Variants in CTTNBP2 observed in about 807,000 individuals in gnomAD.
CTTNBP2 encodes cortactin binding protein 2.
CTTNBP2 carries 108 observed loss-of-function variants against 156.9 expected under a neutral mutation model. The observed-to-expected ratio is 0.69, with a 90% CI of 0.59 to 0.81. CTTNBP2 has a LOEUF of 0.81. Ranked by LOEUF, CTTNBP2 falls within the 30% of genes least tolerant of loss-of-function variation. CTTNBP2 has a pLI of 0.00. For missense variants in CTTNBP2, 1,924 were observed against 2,035.4 expected (o/e 0.95, Z 1.05); for synonymous variants, 767 against 751.8 (o/e 1.02, Z -0.33).
chr7:117,718,646 C>CT (rs1794603603), intron 21 of CTTNBP2, among the ~76,000 whole-genome samples: 1 of 152,198 alleles, frequency 6.6e-6, no homozygotes, highest in Non-Finnish European at 1.5e-5. Flanking sequence ...GAACTTGATG[C>CT]TGTCCATGTT....
chr7:117,852,797 A>G (rs534154233), intron 2 of CTTNBP2, among the ~76,000 whole-genome samples: 13 of 152,194 alleles, frequency 8.5e-5, no homozygotes, highest in Admixed American at 2.0e-4. Flanking sequence ...ACAGGTGTGT[A>G]GAAATGGTCT....
rs1308101221 is a variant in CTTNBP2 at position 117,819,365 on chromosome 7, T to TCACA, written c.190-8377_190-8376insTGTG. 6.9e-3 allele frequency among the ~76,000 whole-genome samples: 939 copies of TCACA among 136,822 alleles called. 5 individuals carry two copies. The highest frequency in any genetic ancestry group is 0.014 in the Middle Eastern group (4 of 288). The allele number at this position is 136,822 out of a possible 152,430, so 89.8% of individuals were successfully genotyped here. On this transcript the variant is annotated intron_variant, in intron 2 of 22. Transcript: ENST00000160373. ...TCTTTCTCTTTTCTCCTTCTCTCTC[T>TCACA]CTCACACACACACACACACACACAC...
chr7:117,714,966 C>G (rs1431316446), intron 22 of CTTNBP2, among the ~76,000 whole-genome samples: 4 of 152,170 alleles, frequency 2.6e-5, no homozygotes, highest in Non-Finnish European at 5.9e-5. Flanking sequence ...GTTTACTATC[C>G]ATATTGCTGT....
At chr7:117,737,206 G>T (rs1338617971) in intron 14 of CTTNBP2, among the ~76,000 whole-genome samples, 4 of 152,054 alleles carry the variant, frequency 2.6e-5, no homozygotes, top group African/African-American at 9.7e-5. Flanking sequence ...GTTTCTTTGG[G>T]TTCAAATGTT....
rs576462484 is a variant in CTTNBP2 at position 117,717,672 on chromosome 7, A to ACTAT, written c.4746+342_4746+345dup. ...GAATATAGTGTATATAAACTTTGGT[A>ACTAT]CTATCTTAGATTTCAGGCATCACCT... On this transcript the variant is annotated intron_variant, in intron 22 of 22. Coordinates refer to ENST00000160373, the MANE Select transcript of CTTNBP2 (RefSeq NM_033427.3). Among the ~76,000 whole-genome samples the ACTAT allele has an allele frequency of 1.7e-3, 263 of 152,084 alleles. 1 individual carries two copies. In the Middle Eastern group the frequency reaches 0.027, roughly 16 times the overall value.
intron 8 of CTTNBP2, among the ~76,000 whole-genome samples, chr7:117,773,326 T>C (rs1004948502): frequency 6.6e-6 from 1 of 152,222 alleles, no homozygotes; most frequent in African/African-American, 2.4e-5. Flanking sequence ...AGGTGGCTGC[T>C]ACAGTGTGAG....
At chr7:117,716,680 TTATGA>T (rs1171373942) in intron 22 of CTTNBP2, among the ~76,000 whole-genome samples, 3 of 152,158 alleles carry the variant, frequency 2.0e-5, no homozygotes, top group Admixed American at 2.0e-4. Flanking sequence ...AAGGCAGACA[TTATGA>T]TAGAGTGAGC....
intron 22 of CTTNBP2, chr7:117,716,084 G>A (rs1027395571): frequency 6.6e-6 from 1 of 152,074 alleles, no homozygotes; most frequent in Non-Finnish European, 1.5e-5. Flanking sequence ...AGAAGACTAG[G>A]AGGCAGCGGT....
chr7:117,724,174 A>G (rs1794957143), intron 19 of CTTNBP2, among the ~76,000 whole-genome samples: 1 of 152,112 alleles, frequency 6.6e-6, no homozygotes, highest in East Asian at 1.9e-4. Context: ...CTCTACACAT[A>G]TTTTTTTAAT....
intron 2 of CTTNBP2, among the ~76,000 whole-genome samples, chr7:117,819,356 T>TTCTCTC (rs144262146): frequency 0.08 from 10,112 of 126,906 alleles, 502 homozygotes; most frequent in African/African-American, 0.13. Flanking sequence ...TCTTTTCTCC[T>TTCTCTC]TCTCTCTCTC....
chr7:117,758,929 G>A (rs1288534424), intron 10 of CTTNBP2, among the ~76,000 whole-genome samples: 1 of 152,150 alleles, frequency 6.6e-6, no homozygotes, highest in African/African-American at 2.4e-5. Context: ...GCCTTTGTCA[G>A]TTTCCACATT....
intron 17 of CTTNBP2, among the ~76,000 whole-genome samples, chr7:117,727,463 G>A (rs1038060690): frequency 6.6e-6 from 1 of 152,098 alleles, no homozygotes. Flanking sequence ...CCAATGATGG[G>A]ATTATAGGCA....
At chr7:117,762,584 C>T (rs1393111136) in intron 9 of CTTNBP2, among the ~76,000 whole-genome samples, 1 of 152,200 alleles carries the variant, frequency 6.6e-6, no homozygotes, top group Non-Finnish European at 1.5e-5. Flanking sequence ...TTGTCTCTCA[C>T]CTGGAATACC....
chr7:117,863,248 G>A (rs1394802934), intron 1 of CTTNBP2, among the ~76,000 whole-genome samples: 1 of 152,188 alleles, frequency 6.6e-6, no homozygotes, highest in Non-Finnish European at 1.5e-5. Flanking sequence ...ACACTAGACA[G>A]AGAAGTTATT....
chr7:117,792,817 A>G lies in CTTNBP2; in HGVS notation c.415-36T>C. The G allele has an allele frequency of 7.2e-7, 1 of 1,386,556 alleles. No homozygotes were observed. Among genetic ancestry groups the G allele is most frequent in the Non-Finnish European group, 9.5e-7 (1 of 1,047,544 alleles). 85.9% of individuals were successfully genotyped at this position (1,386,556 alleles called of 1,614,324 possible). ...TTCACAGGAAAACCCTGATTAATAT[A>G]CAGAATTTTCTTTTCACCAAGGAAA... On this transcript the variant is annotated intron_variant, in intron 3 of 22. Coordinates refer to ENST00000160373, the MANE Select transcript of CTTNBP2 (RefSeq NM_033427.3). This position sits in a 1 kb window ranked among gnomAD's most constrained non-coding sequence, Gnocchi z 4.2.
chr7:117,721,233 G>A (rs1198606553), intron 19 of CTTNBP2, 103 bp from the exon 20 acceptor site: 10 of 749,628 alleles, frequency 1.3e-5, no homozygotes, highest in South Asian at 4.7e-5. Flanking sequence ...CTTTCATACT[G>A]TTCTTGGATT....
intron 1 of CTTNBP2, among the ~76,000 whole-genome samples, 158 bp downstream of exon 1, chr7:117,873,177 G>A (rs1410784019): frequency 6.6e-6 from 1 of 152,068 alleles, no homozygotes; most frequent in African/African-American, 2.4e-5. Context: ...TCCGCCGTGT[G>A]GGCATCCCGA....
chr7:117,717,554 C>G (rs1214079093), intron 22 of CTTNBP2, among the ~76,000 whole-genome samples: 1 of 151,960 alleles, frequency 6.6e-6, no homozygotes, highest in Non-Finnish European at 1.5e-5. Flanking sequence ...CCATCCTACT[C>G]TGTTCTGCCC....
At chr7:117,790,362 C>T (rs1455954835) in intron 4 of CTTNBP2, among the ~76,000 whole-genome samples, 2 of 152,220 alleles carry the variant, frequency 1.3e-5, no homozygotes, top group Non-Finnish European at 2.9e-5. Context: ...GCAATGCTTT[C>T]TCTAGCACTG....
Sources: gnomAD v4.1 joint callset for allele counts (sites outside exome capture counted in the v4.1 genomes callset) on GRCh38, gnomAD v4.1.1 for gene constraint, Gnocchi (gnomAD v3.1) non-coding constraint, MANE v1.5 for transcripts, NCBI Gene and HGNC (gene_info 2026-07-23, HGNC 2026-07-21) for gene names.